ME3: variants seen among roughly 807,000 people sequenced by gnomAD.
ME3 encodes NADP-dependent malic enzyme, mitochondrial.
ME3 carries 48 observed loss-of-function variants against 68.9 expected under a neutral mutation model. That is an observed-to-expected ratio of 0.70 (90% CI 0.55 to 0.89). The LOEUF is 0.89. Ranked by LOEUF, ME3 falls within the 40% of genes least tolerant of loss-of-function variation. The pLI is 0.00. For missense variants in ME3, 675 were observed against 797.4 expected (o/e 0.85, Z 1.85); for synonymous variants, 320 against 318.8 (o/e 1.00, Z -0.04).
chr11:86,669,950 T>C (rs1946816544), intron 2 of ME3, among the ~76,000 whole-genome samples: 1 of 152,214 alleles, frequency 6.6e-6, no homozygotes, highest in Admixed American at 6.5e-5. Flanking sequence ...ATTTATTGTT[T>C]TGCTTTCTAC....
chr11:86,599,450 C>G lies in ME3; in HGVS notation c.184-39627G>C, dbSNP rs527411250. Among the ~76,000 whole-genome samples the G allele has an allele frequency of 7.9e-5, 12 of 152,264 alleles. No homozygotes were observed. In the South Asian group the frequency reaches 2.1e-3, roughly 26 times the overall value. On this transcript the variant is annotated intron_variant, in intron 2 of 14. Transcript: ENST00000543262. ...AAGCCTCCAAGAAATATGGGACTAT[C>G]TGAAAAGACCAAATCTGCATCTGAT...
At chr11:86,436,405 C>T (rs562084777), downstream of ME3, 1 of 151,990 alleles carries the variant, frequency 6.6e-6, no homozygotes, top group South Asian at 2.1e-4. Context: ...TATTCCGGAT[C>T]CAGTGTCTTC....
At chr11:86,535,637 A>G (rs1955599933) in intron 4 of ME3, among the ~76,000 whole-genome samples, 1 of 152,198 alleles carries the variant, frequency 6.6e-6, no homozygotes, top group Admixed American at 6.5e-5. Flanking sequence ...AGTTTCAGAA[A>G]CATTTACTGA....
At chr11:86,605,997 C>T (rs1449765311) in intron 2 of ME3, among the ~76,000 whole-genome samples, 2 of 152,164 alleles carry the variant, frequency 1.3e-5, no homozygotes, top group East Asian at 1.9e-4. Context: ...CAGCCATTTT[C>T]TAAAAGCTTC....
intron 2 of ME3, among the ~76,000 whole-genome samples, chr11:86,571,036 A>G (rs1957760773): frequency 6.6e-6 from 1 of 152,210 alleles, no homozygotes; most frequent in East Asian, 1.9e-4. Context: ...TGAGGTTTTA[A>G]AAAGTTTTTA....
chr11:86,460,516 C>A (rs1317928755), intron 8 of ME3, among the ~76,000 whole-genome samples: 2 of 152,198 alleles, frequency 1.3e-5, no homozygotes, highest in Non-Finnish European at 2.9e-5. Flanking sequence ...TGAGGCTAGG[C>A]TGGTGTTCAG....
exon 2 of ME3, chr11:86,671,919 G>T (rs1175288353): frequency 6.9e-7 from 1 of 1,439,812 alleles, no homozygotes; most frequent in Non-Finnish European, 9.1e-7. Context: ...AGCCAGCCGC[G>T]TGCCTGTCCC....
intron 4 of ME3, among the ~76,000 whole-genome samples, chr11:86,517,018 T>C (rs1008051035): frequency 3.9e-5 from 6 of 152,166 alleles, no homozygotes; most frequent in African/African-American, 1.4e-4. Context: ...CAAATACTTA[T>C]TTCATTTGGT....
chr11:86,521,105 T>C (rs1213275018), intron 4 of ME3, among the ~76,000 whole-genome samples: 1 of 152,216 alleles, frequency 6.6e-6, no homozygotes, highest in African/African-American at 2.4e-5. Flanking sequence ...AAAATGTAGC[T>C]GTGGCCGGGT....
intron 2 of ME3, among the ~76,000 whole-genome samples, chr11:86,651,969 C>A (rs548337803): frequency 2.0e-5 from 3 of 152,164 alleles, no homozygotes; most frequent in Admixed American, 2.0e-4. Context: ...GTAGCCGATT[C>A]GATCAACTGG....
At chr11:86,435,002 G>T in the ME3 span, 1 of 152,152 alleles carries the variant, frequency 6.6e-6, no homozygotes. Flanking sequence ...TCAAGATTTT[G>T]CATATAGATT....
chr11:86,481,963 T>G (rs2138883362), intron 7 of ME3, among the ~76,000 whole-genome samples: 1 of 152,328 alleles, frequency 6.6e-6, no homozygotes, highest in African/African-American at 2.4e-5. Flanking sequence ...CAATCAGAGC[T>G]GGCACAAGGA....
At position 86,441,452 on chromosome 11, in the gene ME3, CAT is replaced by C; in HGVS notation, c.1654-14_1654-13del. The C allele has an allele frequency of 6.4e-7, 1 of 1,572,468 alleles. No individual in the cohort carries two copies. Among genetic ancestry groups the C allele is most frequent in the Non-Finnish European group, 8.6e-7 (1 of 1,162,858 alleles). ...GCGTAGTCGAGAACCTAGAGAAAAACATGTTTGGCTAAGGAACCGGATCTAAG... is the reference window on the plus strand; with the variant it reads ...GCGTAGTCGAGAACCTAGAGAAAAACGTTTGGCTAAGGAACCGGATCTAAG... On this transcript the variant is annotated splice_polypyrimidine_tract_variant and intron_variant, in intron 14 of 14. Coordinates refer to ENST00000543262, the Ensembl canonical transcript of ME3.
In ME3 at chr11:86,471,228, C is replaced by T. The variant is rs1056220406; in HGVS notation, c.810-6028G>A. 6.7e-5 allele frequency among the ~76,000 whole-genome samples: 10 copies of T among 149,148 alleles called. No homozygotes were observed. The East Asian group carries it at 9.8e-4, about 15-fold the overall frequency. On this transcript the variant is annotated intron_variant, in intron 7 of 14. Coordinates refer to ENST00000543262, the Ensembl canonical transcript of ME3. Reference sequence around the variant, plus strand: ...TGCAGTGGCAACCTCCTCCACCTCCCGGGTTCAAGCAATTCTCCTGCCTCA... The same window carrying T: ...TGCAGTGGCAACCTCCTCCACCTCCTGGGTTCAAGCAATTCTCCTGCCTCA...
At chr11:86,466,547 G>A (rs183492154) in intron 7 of ME3, among the ~76,000 whole-genome samples, 13 of 152,238 alleles carry the variant, frequency 8.5e-5, no homozygotes, top group African/African-American at 3.1e-4. Flanking sequence ...CATGCTTGGG[G>A]GGCTTCCTGT....
At chr11:86,435,125 T>C in the ME3 span, 1 of 152,342 alleles carries the variant, frequency 6.6e-6, no homozygotes, top group Non-Finnish European at 1.5e-5. Flanking sequence ...TGACCATATA[T>C]TTGATTATAA....
intron 2 of ME3, among the ~76,000 whole-genome samples, chr11:86,625,972 T>C (rs1943637788): frequency 6.6e-6 from 1 of 152,196 alleles, no homozygotes; most frequent in Admixed American, 6.5e-5. Context: ...AGAATTGTGC[T>C]GGTACATAGT....
intron 2 of ME3, among the ~76,000 whole-genome samples, chr11:86,626,364 A>G (rs1943664020): frequency 6.6e-6 from 1 of 152,208 alleles, no homozygotes; most frequent in Admixed American, 6.5e-5. Context: ...TCACCTGGGC[A>G]GCAGCAGTTC....
At chr11:86,644,102 G>A (rs1356761084) in intron 2 of ME3, among the ~76,000 whole-genome samples, 1 of 152,166 alleles carries the variant, frequency 6.6e-6, no homozygotes, top group East Asian at 1.9e-4. Context: ...GGGGTGTGGA[G>A]GGCAGAGAGC....
Sources: gnomAD v4.1 joint callset for allele counts (sites outside exome capture counted in the v4.1 genomes callset) on GRCh38, gnomAD v4.1.1 for gene constraint, MANE v1.5 for transcripts, NCBI Gene and HGNC (gene_info 2026-07-23, HGNC 2026-07-21) for gene names.